ETHE1: variants seen among roughly 807,000 people sequenced by gnomAD.
ETHE1 encodes the protein persulfide dioxygenase ETHE1, mitochondrial.
A neutral mutation model predicts 25.7 loss-of-function variants in ETHE1; 16 were observed. The ratio of observed to expected loss-of-function variants is 0.62; its 90% CI spans 0.42 to 0.95. The LOEUF (loss-of-function observed/expected upper bound fraction) is 0.95, where lower values mean the gene tolerates loss of function less well. Ranked by LOEUF, ETHE1 falls within the 40% of genes least tolerant of loss-of-function variation. The pLI is 0.00. For synonymous variants in ETHE1, 139 were observed against 135.9 expected, an observed-to-expected ratio of 1.02 and a Z score of -0.16; for missense variants, 300 against 333.6, an observed-to-expected ratio of 0.90 and a Z score of 0.79.
intron 3 of ETHE1, among the ~76,000 whole-genome samples, chr19:43,517,032 C>T (rs1600000906): frequency 6.6e-6 from 1 of 151,700 alleles, no homozygotes; most frequent in African/African-American, 2.4e-5. Context: ...CTATGTTGAC[C>T]AGCCTGGTCT....
At chr19:43,512,288 CAGA>C (rs1971933410) in intron 3 of ETHE1, among the ~76,000 whole-genome samples, 1 of 152,078 alleles carries the variant, frequency 6.6e-6, no homozygotes, top group Admixed American at 6.6e-5. Context: ...TTGGAAGGCT[CAGA>C]AGAAGACAGA....
At chr19:43,522,352 G>C (rs956251956) in intron 3 of ETHE1, among the ~76,000 whole-genome samples, 7 of 152,136 alleles carry the variant, frequency 4.6e-5, no homozygotes, top group Admixed American at 2.6e-4. Flanking sequence ...TTGAGCCCAG[G>C]AGTTGGAGGC....
Position 43,526,651 on chromosome 19 carries a change from C to T in ETHE1, c.90G>A (p.Glu30=), listed in dbSNP as rs1972255989. ...GGTACGTGAAGGTGCAGCTCACAGG[C>T]TCGAACATCTGGGAACGGGGGACCC... The part of the protein sequence containing the change: ...GAPILLRQMF[E]PVSCTFTYLL... The change falls in exon 2 of 7, where the codon GAG becomes GAA. Residue 30 remains glutamate, a synonymous_variant. Transcript: ENST00000292147. 6.2e-7 allele frequency: 1 copy of T among 1,613,618 alleles called. No homozygotes were observed.
chr19:43,507,343 C>T (rs1188615789), intron 6 of ETHE1, among the ~76,000 whole-genome samples: 5 of 74,772 alleles, frequency 6.7e-5, no homozygotes, highest in African/African-American at 1.1e-4. Context: ...GACCCAGGAG[C>T]CCAGGTCCCC....
Position 43,515,359 on chromosome 19 carries a change from G to A in ETHE1, c.376-3793C>T, listed in dbSNP as rs934027718. ...TTTAACCCGGGAGGCGGAGGTTGCAGTGAGCCAAGATTGCACCATCACACT... is the reference window on the plus strand; with the variant it reads ...TTTAACCCGGGAGGCGGAGGTTGCAATGAGCCAAGATTGCACCATCACACT... On this transcript the variant is annotated intron_variant, in intron 3 of 6. Transcript: ENST00000292147. Among the ~76,000 whole-genome samples, 122 of 148,982 alleles carry A rather than the reference G, an allele frequency of 8.2e-4. 1 individual carries two copies. Among genetic ancestry groups the A allele is most frequent in the Middle Eastern group, 3.4e-3 (1 of 290 alleles).
Position 43,526,658 on chromosome 19 carries a change from A to T in ETHE1, c.83T>A (p.Met28Lys). The change falls in exon 2 of 7, where the codon ATG becomes AAG. Residue 28 changes from methionine (M) to lysine (K), a missense_variant and splice_region_variant. Met to Lys is a moderately conservative substitution (Grantham distance 95). Transcript: ENST00000292147. ...GAAGGTGCAGCTCACAGGCTCGAAC[A>T]TCTGGGAACGGGGGACCCAGGTGAG... ...GSGAPILLRQ[M>K]FEPVSCTFTY... 1 of 1,613,484 alleles carries T rather than the reference A, an allele frequency of 6.2e-7. No homozygotes were observed. The highest frequency in any genetic ancestry group is 2.2e-5 in the East Asian group (1 of 44,878).
In ETHE1 at chr19:43,522,570, G is replaced by A. The variant is rs573365825; in HGVS notation, c.375+3631C>T. Among the ~76,000 whole-genome samples, 31 of 152,140 alleles carry A rather than the reference G, an allele frequency of 2.0e-4. 1 individual carries two copies. The East Asian group carries it at 2.3e-3, about 11-fold the overall frequency. On this transcript the variant is annotated intron_variant, in intron 3 of 6. Transcript: ENST00000292147. Reference sequence around the variant, plus strand: ...GGGCTCACTGCAACCTCCACCTCCCGGGGGAGGTTCAAGCGATTCCCCTGC... The same window carrying A: ...GGGCTCACTGCAACCTCCACCTCCCAGGGGAGGTTCAAGCGATTCCCCTGC...
At chr19:43,516,122 A>C (rs1478556301) in intron 3 of ETHE1, among the ~76,000 whole-genome samples, 1 of 152,206 alleles carries the variant, frequency 6.6e-6, no homozygotes, top group Admixed American at 6.6e-5. Flanking sequence ...AAAACCACAG[A>C]AAGTGAAACC....
rs190166408 is a variant in ETHE1 at position 43,509,607 on chromosome 19, A to G, written c.506-743T>C. On this transcript the variant is annotated intron_variant, in intron 4 of 6. Coordinates refer to ENST00000292147, the MANE Select transcript of ETHE1 (RefSeq NM_014297.5). ...TCAGGAGATCGAGACCATCCTGGCT[A>G]ACATGGTAAAACCCTGTCTCTACTA... 9.2e-5 allele frequency among the ~76,000 whole-genome samples: 14 copies of G among 152,176 alleles called. No homozygotes were observed. In the East Asian group the frequency reaches 2.3e-3, roughly 25 times the overall value.
At chr19:43,521,866 A>T (rs1972144851) in intron 3 of ETHE1, among the ~76,000 whole-genome samples, 2 of 152,196 alleles carry the variant, frequency 1.3e-5, no homozygotes, top group African/African-American at 2.4e-5. Flanking sequence ...TTAGCAGAAG[A>T]ATCTTCATAG....
In ETHE1 at chr19:43,526,238, T is replaced by G; in HGVS notation, c.338A>C (p.His113Pro). ...SRLSGAQADL[H>P]IEDGDSIRFG... The stretch of plus-strand genomic sequence containing the variant: ...GCGGATGGAGTCTCCATCCTCAATG[T>G]GTAAGTCAGCCTGGGCCCCACTAAG... The change falls in exon 3 of 7, where the codon CAC (histidine) becomes CCC (proline). Residue 113 changes from histidine to proline, a missense_variant. Coordinates refer to ENST00000292147, the MANE Select transcript of ETHE1 (RefSeq NM_014297.5). The G allele has an allele frequency of 1.2e-6, 2 of 1,613,996 alleles. No individual in the cohort carries two copies. Among genetic ancestry groups the G allele is most frequent in the African/African-American group, 1.3e-5 (1 of 74,976 alleles).
intron 5 of ETHE1, 30 bp downstream of exon 5, chr19:43,508,745 C>G: frequency 6.6e-7 from 1 of 1,508,194 alleles, no homozygotes; most frequent in Non-Finnish European, 9.1e-7. Context: ...AAGTTATGTA[C>G]GCCCCACACC....
At chr19:43,519,047 T>C (rs1249103265) in intron 3 of ETHE1, among the ~76,000 whole-genome samples, 1 of 136,302 alleles carries the variant, frequency 7.3e-6, no homozygotes, top group African/African-American at 2.8e-5. Flanking sequence ...TCTTGCTCTG[T>C]GGCCCAGGCT....
At position 43,508,760 on chromosome 19, in the gene ETHE1, C is replaced by T; in HGVS notation, c.595+15G>A. 1 of 1,582,112 alleles carries T rather than the reference C, an allele frequency of 6.3e-7. No individual in the cohort carries two copies. Among genetic ancestry groups the T allele is most frequent in the Non-Finnish European group, 8.6e-7 (1 of 1,161,058 alleles). Reference sequence around the variant, plus strand: ...AAGTTATGTACGCCCCACACCTCTTCCAGGAAGCCCTCACCATGGTAATCG... The same window carrying T: ...AAGTTATGTACGCCCCACACCTCTTTCAGGAAGCCCTCACCATGGTAATCG... On this transcript the variant is annotated intron_variant, in intron 5 of 6. Coordinates refer to ENST00000292147, the MANE Select transcript of ETHE1 (RefSeq NM_014297.5).
At chr19:43,508,107 A>G (rs746411027) in intron 5 of ETHE1, 47 bp from the exon 6 acceptor site, 2 of 1,608,380 alleles carry the variant, frequency 1.2e-6, no homozygotes, top group Admixed American at 3.4e-5. Flanking sequence ...CTAGTGCCTC[A>G]GGCCTCTCAG....
intron 3 of ETHE1, chr19:43,525,363 G>C (rs1249193143): frequency 6.6e-6 from 1 of 152,194 alleles, no homozygotes; most frequent in African/African-American, 2.4e-5. Flanking sequence ...TAAACACTCT[G>C]ACTCAAATGA....
chr19:43,526,610 TCTCTGTCACC>T lies in ETHE1; in HGVS notation c.121_130del (p.Gly41SerfsTer7). The T allele has an allele frequency of 6.2e-7, 1 of 1,614,046 alleles. No homozygotes were observed. Among genetic ancestry groups the T allele is most frequent in the Non-Finnish European group, 8.5e-7 (1 of 1,179,960 alleles). On this transcript the variant is annotated frameshift_variant, in exon 2 of 7. Coordinates refer to ENST00000292147, the MANE Select transcript of ETHE1 (RefSeq NM_014297.5). LOFTEE classifies it high-confidence loss of function. Reference sequence around the variant, plus strand: ...GTCGATCAGAACGGCCTCCCGGGACTCTCTGTCACCCAGCAGGTACGTGAAGGTGCAGCTC... The same window carrying T: ...GTCGATCAGAACGGCCTCCCGGGACTCAGCAGGTACGTGAAGGTGCAGCTC...
intron 5 of ETHE1, 119 bp downstream of exon 5, chr19:43,508,656 T>G: frequency 1.1e-6 from 1 of 894,352 alleles, no homozygotes; most frequent in Non-Finnish European, 1.8e-6. Context: ...AACACTTAAT[T>G]TTTTTTGGCC....
chr19:43,511,478 G>A lies in ETHE1; in HGVS notation c.464C>T (p.Ala155Val). The A allele has an allele frequency of 6.2e-7, 1 of 1,614,174 alleles. No individual in the cohort carries two copies. ...CCGCCCACACCCACGGATCAACAGG[G>A]CATCTCCAGTGAAGGCCATGCTGTG... ...NDHSMAFTGD[A>V]LLIRGCGRTD... Residue 155 changes from alanine (A) to valine (V), a missense_variant, in exon 4 of 7, where the codon GCC becomes GTC. By Grantham distance (64) the Ala-to-Val change is moderately conservative. Transcript: ENST00000292147.
Sources: allele counts gnomAD v4.1 joint callset (sites outside exome capture counted in the v4.1 genomes callset), GRCh38; gene constraint gnomAD v4.1.1; transcripts MANE v1.5; gene names NCBI Gene and HGNC (gene_info 2026-07-23, HGNC 2026-07-21).